KCNAB1: variants seen among roughly 807,000 people sequenced by gnomAD.
KCNAB1 encodes the protein voltage-gated potassium channel subunit beta-1.
A neutral mutation model predicts 64.6 loss-of-function variants in KCNAB1; 35 were observed. The observed-to-expected ratio is 0.54, with a 90% CI of 0.41 to 0.72. The LOEUF (loss-of-function observed/expected upper bound fraction) is 0.72. Among genes scored for constraint, KCNAB1 ranks in the 30% least tolerant of loss-of-function variants. The pLI is 0.00. For missense variants in KCNAB1, 401 were observed against 512.9 expected (o/e 0.78, Z 2.11); for synonymous variants, 177 against 183.8 (o/e 0.96, Z 0.30).
intron 8 of KCNAB1, among the ~76,000 whole-genome samples, chr3:156,498,135 T>C (rs781344986): frequency 1.3e-5 from 2 of 152,192 alleles, no homozygotes; most frequent in African/African-American, 2.4e-5. Context: ...TGATGCTTTA[T>C]GAAAAGTTCA....
At chr3:156,318,499 A>C (rs1722446382) in intron 1 of KCNAB1, among the ~76,000 whole-genome samples, 1 of 152,150 alleles carries the variant, frequency 6.6e-6, no homozygotes, top group Admixed American at 6.5e-5. Flanking sequence ...AGATCTTCCA[A>C]ATATTCAAGA....
At chr3:156,484,056 A>G (rs1224702796) in intron 8 of KCNAB1, among the ~76,000 whole-genome samples, 1 of 152,120 alleles carries the variant, frequency 6.6e-6, no homozygotes, top group African/African-American at 2.4e-5. Context: ...TCCCAACCTT[A>G]TTCCATAAAG....
intron 1 of KCNAB1, among the ~76,000 whole-genome samples, chr3:156,158,185 AATAAATAAATAAAT>A (rs1560112440): frequency 4.1e-5 from 4 of 98,136 alleles, no homozygotes; most frequent in Admixed American, 2.6e-4. Flanking sequence ...ATAAAAAATA[AATAAATAAATAAAT>A]AAATAAATAA....
At chr3:156,305,081 A>G (rs1721403338) in intron 1 of KCNAB1, among the ~76,000 whole-genome samples, 1 of 152,104 alleles carries the variant, frequency 6.6e-6, no homozygotes, top group Non-Finnish European at 1.5e-5. Flanking sequence ...TACTACCAGT[A>G]TCTGTAAGAT....
chr3:156,471,097 TAGGTGTAAA>T, intron 7 of KCNAB1, among the ~76,000 whole-genome samples: 1 of 152,340 alleles, frequency 6.6e-6, no homozygotes, highest in African/African-American at 2.4e-5. Flanking sequence ...AAGTGCGTGG[TAGGTGTAAA>T]AGGTGACAAC....
intron 2 of KCNAB1, among the ~76,000 whole-genome samples, chr3:156,444,698 C>T (rs6796811): frequency 0.19 from 28,701 of 152,214 alleles, 4,865 homozygotes; most frequent in African/African-American, 0.46. Context: ...TACATCCCAG[C>T]GCCATCATGG....
Position 156,156,732 on chromosome 3 carries a change from G to A in KCNAB1, c.275+35846G>A, listed in dbSNP as rs185828213. ...GAGTAGGAACTTACTTTTTAGACAGGTTGGGTCTAAATGCCTATTAGAGAA... is the reference window on the plus strand; with the variant it reads ...GAGTAGGAACTTACTTTTTAGACAGATTGGGTCTAAATGCCTATTAGAGAA... On this transcript the variant is annotated intron_variant, in intron 1 of 13. Coordinates refer to ENST00000490337, the MANE Select transcript of KCNAB1 (RefSeq NM_172160.3). Among the ~76,000 whole-genome samples the A allele has an allele frequency of 2.0e-3, 303 of 152,302 alleles. 2 individuals carry two copies. Among genetic ancestry groups the A allele is most frequent in the African/African-American group, 6.9e-3 (285 of 41,576 alleles).
At chr3:156,258,957 C>T (rs1718267760) in intron 1 of KCNAB1, among the ~76,000 whole-genome samples, 2 of 152,214 alleles carry the variant, frequency 1.3e-5, no homozygotes, top group South Asian at 4.1e-4. Context: ...GTCTGATGAG[C>T]AGGGAAATGG....
At chr3:156,249,076 G>T (rs1717649232) in intron 1 of KCNAB1, among the ~76,000 whole-genome samples, 1 of 151,354 alleles carries the variant, frequency 6.6e-6, no homozygotes, top group Admixed American at 6.6e-5. Context: ...CAAGTACTCA[G>T]TTGATTCTGA....
intron 1 of KCNAB1, among the ~76,000 whole-genome samples, chr3:156,400,099 C>A (rs1215088722): frequency 2.6e-5 from 4 of 152,106 alleles, no homozygotes; most frequent in African/African-American, 9.7e-5. Context: ...GTGAGCCTTT[C>A]ATTTGTTTTC....
At chr3:156,290,990 T>G (rs779188458) in intron 1 of KCNAB1, 6 of 985,680 alleles carry the variant, frequency 6.1e-6, no homozygotes, top group Non-Finnish European at 6.0e-6. Flanking sequence ...ACGTGTTAAT[T>G]CACTGGCGTG....
intron 1 of KCNAB1, among the ~76,000 whole-genome samples, chr3:156,205,986 C>T (rs756097853): frequency 7.2e-5 from 11 of 152,144 alleles, no homozygotes; most frequent in South Asian, 2.1e-4. Flanking sequence ...TTTTGTTTGC[C>T]GGGATCACCT....
Position 156,371,259 on chromosome 3 carries a change from G to T in KCNAB1, c.276-50357G>T, listed in dbSNP as rs559102265. ...TGGGCTTGGGAGGCAGTGGGCCTAGGTTCAAATCTTAAACTTGTCACCAGC... is the reference window on the plus strand; with the variant it reads ...TGGGCTTGGGAGGCAGTGGGCCTAGTTTCAAATCTTAAACTTGTCACCAGC... On this transcript the variant is annotated intron_variant, in intron 1 of 13. Transcript: ENST00000490337. Among the ~76,000 whole-genome samples, 16 of 152,270 alleles carry T rather than the reference G, an allele frequency of 1.1e-4. No homozygotes were observed. In the South Asian group the frequency reaches 3.1e-3, roughly 30 times the overall value.
At chr3:156,457,258 T>A in intron 3 of KCNAB1, 195 bp from the exon 4 acceptor site, 1 of 1,382,140 alleles carries the variant, frequency 7.2e-7, no homozygotes, top group Non-Finnish European at 9.4e-7. Context: ...CAGTGCCCTA[T>A]GTCTGAAGGA....
At chr3:156,198,913 A>ATAT (rs1714139762) in intron 1 of KCNAB1, among the ~76,000 whole-genome samples, 2 of 21,294 alleles carry the variant, frequency 9.4e-5, no homozygotes, top group Non-Finnish European at 1.8e-4. Context: ...TTATATTTTG[A>ATAT]TTTTTTTTTT....
intron 8 of KCNAB1, among the ~76,000 whole-genome samples, chr3:156,482,347 A>C (rs868410926): frequency 5.3e-5 from 8 of 152,230 alleles, no homozygotes; most frequent in South Asian, 2.1e-4. Context: ...TGTTTTGGGC[A>C]CTTGGAGAAG....
chr3:156,294,224 A>G (rs1399098206), intron 1 of KCNAB1, among the ~76,000 whole-genome samples: 1 of 152,230 alleles, frequency 6.6e-6, no homozygotes, highest in African/African-American at 2.4e-5. Context: ...ACCTTTCATT[A>G]CTGACAACTA....
intron 1 of KCNAB1, among the ~76,000 whole-genome samples, chr3:156,259,123 T>C (rs1226323392): frequency 6.6e-6 from 1 of 152,240 alleles, no homozygotes; most frequent in Non-Finnish European, 1.5e-5. Flanking sequence ...CTCAATGCTG[T>C]AGAAGCAAAC....
chr3:156,338,413 C>T (rs375753009), intron 1 of KCNAB1, among the ~76,000 whole-genome samples: 10 of 148,190 alleles, frequency 6.7e-5, no homozygotes, highest in East Asian at 4.0e-4. Flanking sequence ...CGGGTTCAAG[C>T]GATTCTCCTG....
Sources: allele counts gnomAD v4.1 joint callset (sites outside exome capture counted in the v4.1 genomes callset), GRCh38; gene constraint gnomAD v4.1.1; transcripts MANE v1.5; gene names NCBI Gene and HGNC (gene_info 2026-07-23, HGNC 2026-07-21).